Variants in NR6A1 observed in about 807,000 individuals in gnomAD.
NR6A1 encodes the protein nuclear receptor subfamily 6 group A member 1.
A neutral mutation model predicts 59.1 loss-of-function variants in NR6A1; 7 were observed. The observed-to-expected ratio is 0.12, with a 90% CI of 0.07 to 0.22. NR6A1 has a LOEUF of 0.22. Ranked by LOEUF, NR6A1 falls within the 10% of genes least tolerant of loss-of-function variation. NR6A1 has a pLI of 1.00. For missense variants in NR6A1, 468 were observed against 611.6 expected (o/e 0.77, Z 2.48); for synonymous variants, 243 against 236.1 (o/e 1.03, Z -0.27).
chr9:124,700,289 G>A (rs1309619056), intron 2 of NR6A1, among the ~76,000 whole-genome samples: 1 of 152,070 alleles, frequency 6.6e-6, no homozygotes, highest in Non-Finnish European at 1.5e-5. Flanking sequence ...CCGTCTCCCA[G>A]GTTCAAGTGA....
chr9:124,587,297 G>T (rs976389866), intron 2 of NR6A1, among the ~76,000 whole-genome samples: 2 of 152,160 alleles, frequency 1.3e-5, no homozygotes, highest in Admixed American at 1.3e-4. Flanking sequence ...AAATTCGAGT[G>T]ACTTGCTTTA....
intron 1 of NR6A1, among the ~76,000 whole-genome samples, chr9:124,752,421 T>C (rs568154394): frequency 4.6e-5 from 7 of 152,228 alleles, no homozygotes; most frequent in Non-Finnish European, 8.8e-5. Flanking sequence ...GCTTCAATTA[T>C]GGTAAAGTTA....
chr9:124,682,952 T>A (rs1209436824), intron 2 of NR6A1, among the ~76,000 whole-genome samples: 2 of 152,190 alleles, frequency 1.3e-5, no homozygotes, highest in Non-Finnish European at 2.9e-5. Flanking sequence ...ATGCCTGTAA[T>A]CCCAGCATTC....
intron 1 of NR6A1, among the ~76,000 whole-genome samples, chr9:124,742,500 T>C (rs1253236301): frequency 1.1e-4 from 16 of 151,226 alleles, no homozygotes; most frequent in African/African-American, 3.9e-4. Flanking sequence ...GCAGAGGTTG[T>C]GGTGAGCCGA....
intron 2 of NR6A1, among the ~76,000 whole-genome samples, chr9:124,720,271 G>A (rs951949728): frequency 2.0e-5 from 3 of 151,942 alleles, no homozygotes; most frequent in Non-Finnish European, 4.4e-5. Flanking sequence ...GGCTGGTCTC[G>A]AACTCCTGAC....
chr9:124,597,297 A>C, intron 2 of NR6A1, among the ~76,000 whole-genome samples: 1 of 116,402 alleles, frequency 8.6e-6, no homozygotes, highest in East Asian at 3.1e-4. Context: ...CCCCAACCCC[A>C]TAGATTAATA....
chr9:124,571,129 T>C (rs1242513934), intron 2 of NR6A1, among the ~76,000 whole-genome samples: 3 of 152,184 alleles, frequency 2.0e-5, no homozygotes, highest in Non-Finnish European at 4.4e-5. Flanking sequence ...GAAGGAAAGA[T>C]TATCTAGAAG....
At chr9:124,591,694 A>C (rs1835129678) in intron 2 of NR6A1, among the ~76,000 whole-genome samples, 1 of 152,194 alleles carries the variant, frequency 6.6e-6, no homozygotes, top group Non-Finnish European at 1.5e-5. Context: ...TCACAGTGTG[A>C]GCATCAAGAC....
Position 124,518,381 on chromosome 9 carries a change from G to A in NR6A1, c.*4324C>T, listed in dbSNP as rs1311230673. The A allele has an allele frequency of 2.0e-5, 3 of 151,860 alleles. No individual in the cohort carries two copies. The highest frequency in any genetic ancestry group is 2.0e-4 in the Admixed American group (3 of 15,232). 9.4% of individuals were successfully genotyped at this position (151,860 alleles called of 1,614,324 possible). ...TTGCTCCAGACTTGGCAGGCTCTCT[G>A]GAGTTCCCGCCTTGGAGGAAACAGT... On this transcript the variant is annotated 3_prime_UTR_variant, in exon 10 of 10. Coordinates refer to ENST00000487099, the MANE Select transcript of NR6A1 (RefSeq NM_033334.4).
In NR6A1 at chr9:124,687,291, A is replaced by ATTAATTAATTATTTATTTATTTAT. The variant is rs59770058; in HGVS notation, c.142+46016_142+46017insATAAATAAATAAATAATTAATTAA. ...ACATGCCACCACAGCCAGCTAATTA[A>ATTAATTAATTATTTATTTATTTAT]TTATTTATTTATTTATTTATTTATT... On this transcript the variant is annotated intron_variant, in intron 2 of 9. Coordinates refer to ENST00000487099, the MANE Select transcript of NR6A1 (RefSeq NM_033334.4). Among the ~76,000 whole-genome samples the ATTAATTAATTATTTATTTATTTAT allele has an allele frequency of 6.0e-4, 86 of 142,170 alleles. 1 individual carries two copies. The highest frequency in any genetic ancestry group is 3.5e-3 in the Middle Eastern group (1 of 282). The allele number at this position is 142,170 out of a possible 152,430, so 93.3% of individuals were successfully genotyped here.
Position 124,647,892 on chromosome 9 carries a change from C to T in NR6A1, c.142+85416G>A, listed in dbSNP as rs546899753. ...TGAATTATATGAAACACTTAAAGAA[C>T]TAATACCAATGGTATGCAAAACTAT... On this transcript the variant is annotated intron_variant, in intron 2 of 9. Transcript: ENST00000487099. Among the ~76,000 whole-genome samples the T allele has an allele frequency of 5.9e-4, 90 of 152,176 alleles. 1 individual carries two copies. The South Asian group carries it at 0.018, about 31-fold the overall frequency.
intron 2 of NR6A1, among the ~76,000 whole-genome samples, chr9:124,632,478 T>C (rs1042602421): frequency 2.0e-5 from 3 of 152,248 alleles, no homozygotes; most frequent in Non-Finnish European, 4.4e-5. Context: ...CAGAAGGATC[T>C]GTTCCTGTCC....
At chr9:124,714,812 A>G (rs1362744196) in intron 2 of NR6A1, among the ~76,000 whole-genome samples, 3 of 152,218 alleles carry the variant, frequency 2.0e-5, no homozygotes, top group African/African-American at 4.8e-5. Context: ...ATAAAGATGT[A>G]TAAGATCTCA....
At chr9:124,681,828 C>T (rs1224403582) in intron 2 of NR6A1, among the ~76,000 whole-genome samples, 1 of 152,010 alleles carries the variant, frequency 6.6e-6, no homozygotes, top group Non-Finnish European at 1.5e-5. Context: ...CAAGTATTTT[C>T]CAAATGACCA....
intron 2 of NR6A1, among the ~76,000 whole-genome samples, chr9:124,647,059 C>G (rs1267692684): frequency 1.3e-5 from 2 of 152,128 alleles, no homozygotes; most frequent in African/African-American, 4.8e-5. Flanking sequence ...GGACTACAGG[C>G]TCACACCACC....
At chr9:124,579,887 G>A (rs909595578) in intron 2 of NR6A1, among the ~76,000 whole-genome samples, 1 of 152,128 alleles carries the variant, frequency 6.6e-6, no homozygotes, top group Non-Finnish European at 1.5e-5. Flanking sequence ...GCGCGTGCCT[G>A]TAATCCAAGC....
At chr9:124,544,420 G>A (rs2131365102) in intron 3 of NR6A1, among the ~76,000 whole-genome samples, 1 of 152,244 alleles carries the variant, frequency 6.6e-6, no homozygotes, top group South Asian at 2.1e-4. Flanking sequence ...AGTATCTCCT[G>A]ACTAAGAATA....
intron 1 of NR6A1, among the ~76,000 whole-genome samples, chr9:124,761,156 A>G (rs554071341): frequency 6.6e-6 from 1 of 152,394 alleles, no homozygotes; most frequent in South Asian, 2.1e-4. Context: ...AAGATTTCAC[A>G]TGAATCTTCA....
chr9:124,619,302 C>T (rs886117148), intron 2 of NR6A1, among the ~76,000 whole-genome samples: 4 of 152,044 alleles, frequency 2.6e-5, no homozygotes, highest in Non-Finnish European at 1.5e-5. Context: ...CTCCCTCTGT[C>T]GCCCAGGCTG....
Sources: gnomAD v4.1 joint callset for allele counts (sites outside exome capture counted in the v4.1 genomes callset) on GRCh38, gnomAD v4.1.1 for gene constraint, MANE v1.5 for transcripts, NCBI Gene and HGNC (gene_info 2026-07-23, HGNC 2026-07-21) for gene names.